Variants in PLCB4 observed in about 807,000 individuals in gnomAD.
PLCB4 encodes the protein phospholipase C beta 4, also known as 1-phosphatidylinositol 4,5-bisphosphate phosphodiesterase beta-4.
Under a neutral mutation model 178.8 loss-of-function variants are expected in PLCB4, and 77 were observed. The ratio of observed to expected loss-of-function variants is 0.43; its 90% CI spans 0.36 to 0.52. The LOEUF (loss-of-function observed/expected upper bound fraction) is 0.52, where lower values mean the gene tolerates loss of function less well. PLCB4 is among the 20% of genes least tolerant of loss of function. PLCB4 has a pLI of 0.00. For missense variants in PLCB4, 1,024 were observed against 1,453.4 expected (o/e 0.70, Z 4.80); for synonymous variants, 496 against 490.8 (o/e 1.01, Z -0.14).
intron 2 of PLCB4, among the ~76,000 whole-genome samples, chr20:9,124,558 G>A (rs919080148): frequency 6.6e-6 from 1 of 152,066 alleles, no homozygotes; most frequent in East Asian, 1.9e-4. Flanking sequence ...GTGAATAAAG[G>A]CAAATAAAGA....
At chr20:9,244,292 A>G (rs1301436808) in intron 3 of PLCB4, among the ~76,000 whole-genome samples, 2 of 152,238 alleles carry the variant, frequency 1.3e-5, no homozygotes, top group African/African-American at 4.8e-5. Flanking sequence ...AGAATACCAT[A>G]TAATGTGGCT....
chr20:9,089,835 G>A (rs542043134), intron 1 of PLCB4, among the ~76,000 whole-genome samples: 2 of 152,246 alleles, frequency 1.3e-5, no homozygotes, highest in East Asian at 3.9e-4. Context: ...TTTTAATCCT[G>A]GAATTGCTTA....
intron 4 of PLCB4, among the ~76,000 whole-genome samples, chr20:9,321,956 T>TC (rs201582054): frequency 1.4e-5 from 2 of 146,050 alleles, no homozygotes; most frequent in South Asian, 2.2e-4. Context: ...CTTTTTCTTT[T>TC]TTTTTTTTTG....
intron 25 of PLCB4, among the ~76,000 whole-genome samples, chr20:9,417,382 G>A (rs1257776889): frequency 6.6e-6 from 1 of 151,876 alleles, no homozygotes; most frequent in Non-Finnish European, 1.5e-5. Flanking sequence ...CTCCCAATAG[G>A]AATTTTAATC....
chr20:9,228,420 G>A lies in PLCB4; in HGVS notation c.-16+10968G>A, dbSNP rs1219853989. Among the ~76,000 whole-genome samples, 3 of 152,232 alleles carry A rather than the reference G, an allele frequency of 2.0e-5. No individual in the cohort carries two copies. In the East Asian group the frequency reaches 5.8e-4, roughly 30 times the overall value. On this transcript the variant is annotated intron_variant, in intron 3 of 39. Coordinates refer to ENST00000378473, the MANE Select transcript of PLCB4 (RefSeq NM_001377142.1). ...CTTTTTGAGTAGAGGAGACTATGTA[G>A]GATTTTCCTTTTGGAAAGAACTTTT...
rs956863606 is a variant in PLCB4, at chr20:9,307,548, T to C, written c.-15-252T>C. ...ACACACACACACACACACACACACA[T>C]CTTGTTATTTTGTAGGATTTGGAGA... On this transcript the variant is annotated intron_variant, in intron 3 of 39. Coordinates refer to ENST00000378473, the MANE Select transcript of PLCB4 (RefSeq NM_001377142.1). Among the ~76,000 whole-genome samples the C allele has an allele frequency of 6.6e-5, 9 of 136,156 alleles. No homozygotes were observed. The South Asian group carries it at 1.8e-3, about 27-fold the overall frequency. 89.3% of individuals were successfully genotyped at this position (136,156 alleles called of 152,430 possible). A position where few individuals can be genotyped will look rare whatever the true frequency, so the allele number is the denominator to read the frequency against.
intron 2 of PLCB4, among the ~76,000 whole-genome samples, chr20:9,183,708 G>A (rs765432498): frequency 3.9e-5 from 6 of 151,996 alleles, no homozygotes; most frequent in Non-Finnish European, 5.9e-5. Flanking sequence ...AATTGAATTA[G>A]GGAAAATGGA....
chr20:9,334,021 C>T (rs964577317), intron 4 of PLCB4, among the ~76,000 whole-genome samples: 2 of 151,962 alleles, frequency 1.3e-5, no homozygotes, highest in Non-Finnish European at 2.9e-5. Flanking sequence ...TGGGGCTGCT[C>T]TTACAAATTT....
intron 3 of PLCB4, among the ~76,000 whole-genome samples, chr20:9,279,545 G>C (rs2094476576): frequency 1.3e-5 from 2 of 152,008 alleles, no homozygotes; most frequent in South Asian, 4.1e-4. Flanking sequence ...AGGGAAAATA[G>C]AAGAGTGACT....
chr20:9,161,611 A>G (rs2146983098), intron 2 of PLCB4, among the ~76,000 whole-genome samples: 1 of 152,346 alleles, frequency 6.6e-6, no homozygotes, highest in African/African-American at 2.4e-5. Context: ...TCTGTGAAAT[A>G]AATTTTATTT....
chr20:9,151,755 A>G (rs1379129842), intron 2 of PLCB4, among the ~76,000 whole-genome samples: 2 of 152,300 alleles, frequency 1.3e-5, no homozygotes, highest in South Asian at 2.1e-4. Context: ...GATACCCGAA[A>G]ATATGGAAGT....
At chr20:9,350,228 C>T (rs1226709034) in intron 7 of PLCB4, among the ~76,000 whole-genome samples, 1 of 151,906 alleles carries the variant, frequency 6.6e-6, no homozygotes, top group Non-Finnish European at 1.5e-5. Context: ...TATTATCTGG[C>T]TCTTAATGGA....
chr20:9,418,513 C>T lies in PLCB4; in HGVS notation c.2052-1294C>T, dbSNP rs180924247. ...TTATTTATAGACTTTGATTCTGTCT[C>T]AATGAGTTATGTGTTTTTCTTTATG... On this transcript the variant is annotated intron_variant, in intron 25 of 39. Coordinates refer to ENST00000378473, the MANE Select transcript of PLCB4 (RefSeq NM_001377142.1). Among the ~76,000 whole-genome samples the T allele has an allele frequency of 5.1e-3, 783 of 152,196 alleles. 5 individuals carry two copies. The highest frequency in any genetic ancestry group is 0.01 in the Middle Eastern group (3 of 294).
At chr20:9,225,195 A>G (rs1425822383) in intron 3 of PLCB4, among the ~76,000 whole-genome samples, 1 of 152,252 alleles carries the variant, frequency 6.6e-6, no homozygotes, top group Non-Finnish European at 1.5e-5. Context: ...TATATCACAT[A>G]GTATATACTT....
chr20:9,079,424 A>T (rs1359607093), intron 1 of PLCB4, among the ~76,000 whole-genome samples: 1 of 152,214 alleles, frequency 6.6e-6, no homozygotes, highest in Non-Finnish European at 1.5e-5. Flanking sequence ...CCCTTTCTAG[A>T]GGGACCCCGT....
In PLCB4 at chr20:9,437,163, G is replaced by A. The variant is rs533690412; in HGVS notation, c.2764+11G>A. ...TGGAAGCCAAGAAAGGTGAGAGAGA[G>A]CCGTTGGGTTCCTTATCTTCTGCAC... On this transcript the variant is annotated intron_variant, in intron 30 of 39. Coordinates refer to ENST00000378473, the MANE Select transcript of PLCB4 (RefSeq NM_001377142.1). The A allele has an allele frequency of 8.7e-6, 14 of 1,612,322 alleles. No individual in the cohort carries two copies. The Admixed American group carries it at 1.0e-4, about 12-fold the overall frequency.
chr20:9,470,123 G>A (rs2044083712), intron 36 of PLCB4, among the ~76,000 whole-genome samples: 1 of 152,186 alleles, frequency 6.6e-6, no homozygotes. Context: ...GAGGTCAGGA[G>A]TTTGGGACCA....
At chr20:9,365,990 T>C (rs1319998204) in intron 9 of PLCB4, among the ~76,000 whole-genome samples, 2 of 152,174 alleles carry the variant, frequency 1.3e-5, no homozygotes, top group Non-Finnish European at 2.9e-5. Context: ...GATACTTCTC[T>C]GGCTTCGTGC....
chr20:9,473,293 G>A lies in PLCB4; in HGVS notation c.3423G>A (p.Gln1141=), dbSNP rs1181574458. 17 of 1,543,080 alleles carry A rather than the reference G, an allele frequency of 1.1e-5. No homozygotes were observed. In the East Asian group the frequency reaches 3.5e-4, roughly 32 times the overall value. The change falls in exon 38 of 40, where the codon CAG becomes CAA. Residue 1141 remains glutamine, a synonymous_variant. Transcript: ENST00000378473. ...TTTTTTTGCAGCTTGCCATGAAGCA[G>A]TCCAAAGAAATGGATCAGTTGAAAA... ...LEERKRLAMK[Q]SKEMDQLKKV... is the part of the protein sequence containing the mutation.
Sources: allele counts gnomAD v4.1 joint callset (sites outside exome capture counted in the v4.1 genomes callset), GRCh38; gene constraint gnomAD v4.1.1; transcripts MANE v1.5; gene names NCBI Gene and HGNC (gene_info 2026-07-23, HGNC 2026-07-21).